CNTNAP2: variants seen among roughly 807,000 people sequenced by gnomAD.
The protein encoded by CNTNAP2 is contactin associated protein 2.
CNTNAP2 carries 98 observed loss-of-function variants against 155.2 expected under a neutral mutation model. The ratio of observed to expected loss-of-function variants is 0.63; its 90% CI spans 0.54 to 0.75. The LOEUF (loss-of-function observed/expected upper bound fraction) is 0.75. Among genes scored for constraint, CNTNAP2 ranks in the 30% least tolerant of loss-of-function variants. CNTNAP2 has a pLI of 0.00. For synonymous variants in CNTNAP2, 651 were observed against 631.2 expected, an observed-to-expected ratio of 1.03 and a Z score of -0.47; for missense variants, 1,727 against 1,688.1, an observed-to-expected ratio of 1.02 and a Z score of -0.40.
rs1802879764 is a variant in CNTNAP2, at chr7:146,801,650, G to T, written c.208+27269G>T. ...GGTTCTTTGTGAATGCCATAATAAA[G>T]AACTGAGGCATGACACTCATTTTAT... On this transcript the variant is annotated intron_variant, in intron 2 of 23. Transcript: ENST00000361727. Among the ~76,000 whole-genome samples the T allele has an allele frequency of 2.6e-5, 4 of 152,260 alleles. No homozygotes were observed. The South Asian group carries it at 8.3e-4, about 32-fold the overall frequency.
At chr7:147,469,521 TTTTTTTTTTTTC>T (rs1299258918) in intron 10 of CNTNAP2, among the ~76,000 whole-genome samples, 53 of 82,556 alleles carry the variant, frequency 6.4e-4, no homozygotes, top group African/African-American at 2.3e-3. Flanking sequence ...TTTTTTTTTT[TTTTTTTTTTTTC>T]TGTGAGACAA....
chr7:146,120,298 A>G (rs1348840838), intron 1 of CNTNAP2, among the ~76,000 whole-genome samples: 2 of 152,156 alleles, frequency 1.3e-5, no homozygotes, highest in Non-Finnish European at 2.9e-5. Context: ...TAGGCAAGCA[A>G]AATTCATTGG....
intron 10 of CNTNAP2, among the ~76,000 whole-genome samples, chr7:147,425,230 T>G (rs1797359615): frequency 6.7e-6 from 1 of 149,442 alleles, no homozygotes; most frequent in East Asian, 2.0e-4. Flanking sequence ...AAAAAAATTG[T>G]TATTCTCCTT....
chr7:146,445,443 C>T (rs1182469187), intron 1 of CNTNAP2, among the ~76,000 whole-genome samples: 1 of 152,084 alleles, frequency 6.6e-6, no homozygotes, highest in Admixed American at 6.6e-5. Context: ...TAATAGAAAC[C>T]TAGAGCAAGC....
chr7:146,483,282 A>AATATATATATATATATATATATAT (rs200796835), intron 1 of CNTNAP2, among the ~76,000 whole-genome samples: 1 of 39,870 alleles, frequency 2.5e-5, no homozygotes, highest in Non-Finnish European at 5.0e-5. Context: ...TCTAAAAAAA[A>AATATATATATATATATATATATAT]ATATATATAT....
intron 10 of CNTNAP2, among the ~76,000 whole-genome samples, chr7:147,447,539 C>T (rs138465936): frequency 0.015 from 2,209 of 152,164 alleles, 55 homozygotes; most frequent in African/African-American, 0.05. Flanking sequence ...TCTCAGCCTC[C>T]CCAAGTAGCT....
intron 21 of CNTNAP2, among the ~76,000 whole-genome samples, chr7:148,341,411 A>G (rs2116581448): frequency 6.6e-6 from 1 of 152,266 alleles, no homozygotes; most frequent in South Asian, 2.1e-4. Context: ...AGTTGGTAAT[A>G]GAACCAATAA....
intron 20 of CNTNAP2, among the ~76,000 whole-genome samples, chr7:148,246,112 T>C (rs1357283916): frequency 3.3e-5 from 5 of 152,202 alleles, no homozygotes; most frequent in Non-Finnish European, 7.3e-5. Flanking sequence ...GATACACCTT[T>C]CTGCTCTTTC....
intron 2 of CNTNAP2, among the ~76,000 whole-genome samples, chr7:146,789,817 G>T (rs1461950849): frequency 6.6e-6 from 1 of 151,144 alleles, no homozygotes; most frequent in African/African-American, 2.4e-5. Flanking sequence ...GGAAAAAGCA[G>T]TAAGTCAGTA....
chr7:147,758,875 T>A (rs1017544947), intron 13 of CNTNAP2, among the ~76,000 whole-genome samples: 2 of 152,072 alleles, frequency 1.3e-5, no homozygotes, highest in Non-Finnish European at 2.9e-5. Context: ...AATAAATAAA[T>A]AAAATTTTAC....
chr7:147,896,392 G>T (rs1019727262), intron 13 of CNTNAP2, among the ~76,000 whole-genome samples: 7 of 152,172 alleles, frequency 4.6e-5, no homozygotes, highest in Non-Finnish European at 8.8e-5. Context: ...CAAGACAGGG[G>T]AGTTGCAATA....
chr7:148,018,364 G>A (rs1335503772), intron 15 of CNTNAP2, among the ~76,000 whole-genome samples: 3 of 152,136 alleles, frequency 2.0e-5, no homozygotes, highest in Admixed American at 6.5e-5. Context: ...TTGTAAGATC[G>A]AATCTGGTGA....
At chr7:148,116,137 T>TAA (rs772557174) in intron 15 of CNTNAP2, among the ~76,000 whole-genome samples, 4 of 128,222 alleles carry the variant, frequency 3.1e-5, no homozygotes, top group Non-Finnish European at 3.4e-5. Context: ...AGACTCTGTC[T>TAA]AAAAAAAAAA....
At chr7:147,139,043 C>T (rs186890826) in intron 8 of CNTNAP2, among the ~76,000 whole-genome samples, 2 of 152,054 alleles carry the variant, frequency 1.3e-5, no homozygotes, top group East Asian at 3.9e-4. Context: ...TAGCAAAGAA[C>T]ATAGCCCAGG....
intron 3 of CNTNAP2, among the ~76,000 whole-genome samples, chr7:146,887,452 A>T (rs1369246717): frequency 6.6e-6 from 1 of 152,130 alleles, no homozygotes; most frequent in South Asian, 2.1e-4. Flanking sequence ...ACCTGATGTC[A>T]TAAGTACATG....
chr7:146,596,634 A>AGAGAGAGG (rs1798865357), intron 1 of CNTNAP2, among the ~76,000 whole-genome samples: 1 of 148,896 alleles, frequency 6.7e-6, no homozygotes. Flanking sequence ...AGAGAGAGAG[A>AGAGAGAGG]GAGAGAAATT....
In CNTNAP2 at chr7:147,286,503, G is replaced by A. The variant is rs138811584; in HGVS notation, c.1349-13638G>A. Reference sequence around the variant, plus strand: ...AATGTTTAAATAGAAAAAACGGAACGTAAGAAAAATAATCTGAAAAGCATA... The same window carrying A: ...AATGTTTAAATAGAAAAAACGGAACATAAGAAAAATAATCTGAAAAGCATA... On this transcript the variant is annotated intron_variant, in intron 8 of 23. Transcript: ENST00000361727. Among the ~76,000 whole-genome samples the A allele has an allele frequency of 2.4e-3, 368 of 151,936 alleles. 4 individuals carry two copies. The highest frequency in any genetic ancestry group is 8.0e-3 in the African/African-American group (330 of 41,478).
At chr7:147,157,132 A>T (rs200476878) in intron 8 of CNTNAP2, among the ~76,000 whole-genome samples, 1 of 152,044 alleles carries the variant, frequency 6.6e-6, no homozygotes, top group East Asian at 1.9e-4. Context: ...TTGTTGCCTC[A>T]TTGGCATATA....
chr7:146,145,675 T>C (rs1040335394), intron 1 of CNTNAP2, among the ~76,000 whole-genome samples: 3 of 152,110 alleles, frequency 2.0e-5, no homozygotes, highest in African/African-American at 7.2e-5. Flanking sequence ...CACAGCAATA[T>C]AGTTCTATTT....
Sources: allele counts gnomAD v4.1 joint callset (sites outside exome capture counted in the v4.1 genomes callset), GRCh38; gene constraint gnomAD v4.1.1; transcripts MANE v1.5; gene names NCBI Gene and HGNC (gene_info 2026-07-23, HGNC 2026-07-21).